Variants in SHISA4 observed in about 807,000 individuals in gnomAD.
SHISA4 encodes shisa family member 4.
SHISA4 carries 16 observed loss-of-function variants against 24.2 expected under a neutral mutation model. The observed-to-expected ratio is 0.66, with a 90% CI of 0.45 to 1.00. The LOEUF (loss-of-function observed/expected upper bound fraction) is 1.00. SHISA4 is among the 50% of genes least tolerant of loss of function. The pLI, the probability that SHISA4 is intolerant of heterozygous loss-of-function variation, is 0.00. For missense variants in SHISA4, 238 were observed against 258.9 expected (o/e 0.92, Z 0.55); for synonymous variants, 106 against 105.4 (o/e 1.01, Z -0.04).
At chr1:201,890,427 G>A in intron 2 of SHISA4, 27 bp from the exon 3 acceptor site, 2 of 1,612,968 alleles carry the variant, frequency 1.2e-6, no homozygotes, top group East Asian at 2.2e-5. Flanking sequence ...GTGTTGGAAG[G>A]TGAGAGGACC....
intron 2 of SHISA4, among the ~76,000 whole-genome samples, chr1:201,889,838 G>A (rs1187562439): frequency 6.6e-6 from 1 of 152,164 alleles, no homozygotes; most frequent in Non-Finnish European, 1.5e-5. Context: ...GCTTTGACTG[G>A]GCCCGGGGTT....
At chr1:201,891,283 C>T in intron 3 of SHISA4, 118 bp from the exon 4 acceptor site, 2 of 1,263,660 alleles carry the variant, frequency 1.6e-6, no homozygotes, top group African/African-American at 1.5e-5. Context: ...GCAAAGATGG[C>T]CAGCCTGGAG....
At chr1:201,890,678 G>A (rs1558231335) in intron 3 of SHISA4, 91 bp downstream of exon 3, 4 of 1,516,456 alleles carry the variant, frequency 2.6e-6, no homozygotes, top group African/African-American at 2.8e-5. Context: ...GGTAAATTCT[G>A]TAGTAGTATG....
chr1:201,889,195 C>G (rs1220895260), intron 1 of SHISA4, 128 bp downstream of exon 1: 1 of 1,016,310 alleles, frequency 9.8e-7, no homozygotes, highest in Non-Finnish European at 1.4e-6. Flanking sequence ...TTGGGTGTTG[C>G]TGGGTCCTCA....
chr1:201,891,871 C>T lies in SHISA4; in HGVS notation c.*25C>T. On this transcript the variant is annotated 3_prime_UTR_variant, in exon 5 of 5. Coordinates refer to ENST00000362011, the MANE Select transcript of SHISA4 (RefSeq NM_198149.3). ...AGGAACCAGCCATGTCTCTGCTGCCCCTTCAGTGATGCCAACCTTGGGAGA... is the reference window on the plus strand; with the variant it reads ...AGGAACCAGCCATGTCTCTGCTGCCTCTTCAGTGATGCCAACCTTGGGAGA... 6.2e-7 allele frequency: 1 copy of T among 1,613,564 alleles called. No homozygotes were observed. Among genetic ancestry groups the T allele is most frequent in the Non-Finnish European group, 8.5e-7 (1 of 1,179,550 alleles).
At chr1:201,890,806 A>G (rs967168228) in intron 3 of SHISA4, among the ~76,000 whole-genome samples, 2 of 152,232 alleles carry the variant, frequency 1.3e-5, no homozygotes, top group Non-Finnish European at 2.9e-5. Context: ...ATTTCTGTGC[A>G]TACACATGAA....
At position 201,890,484 on chromosome 1, in the gene SHISA4, T is replaced by C. The variant is rs751224837; in HGVS notation, c.276T>C (p.Ala92=). ...SPKTIAGIAS[A]VILFVAVVAT... is the part of the protein sequence containing the mutation. ...AGACCATAGCAGGCATCGCCTCAGCTGTGATCCTCTTTGTTGCTGTGGTTG... is the reference window on the plus strand; with the variant it reads ...AGACCATAGCAGGCATCGCCTCAGCCGTGATCCTCTTTGTTGCTGTGGTTG... The change falls in exon 3 of 5, where the codon GCT becomes GCC. Residue 92 remains alanine, a synonymous_variant. Transcript: ENST00000362011. The C allele has an allele frequency of 3.7e-6, 6 of 1,614,250 alleles. No individual in the cohort carries two copies. Among genetic ancestry groups the C allele is most frequent in the Admixed American group, 1.7e-5 (1 of 60,026 alleles).
In SHISA4 at chr1:201,891,927, G is replaced by A. The variant is rs1192450819; in HGVS notation, c.*81G>A. 1.3e-6 allele frequency: 2 copies of A among 1,553,196 alleles called. No individual in the cohort carries two copies. The highest frequency in any genetic ancestry group is 8.9e-7 in the Non-Finnish European group (1 of 1,125,898). ...TCATCCTGTACCTGCATCTGGTCCT[G>A]GGGGTGGCAGGAGTCCTCCAGCCAC... On this transcript the variant is annotated 3_prime_UTR_variant, in exon 5 of 5. Coordinates refer to ENST00000362011, the MANE Select transcript of SHISA4 (RefSeq NM_198149.3).
intron 2 of SHISA4, 75 bp downstream of exon 2, chr1:201,889,691 A>C (rs904763530): frequency 2.0e-6 from 3 of 1,535,490 alleles, no homozygotes; most frequent in African/African-American, 2.7e-5. Flanking sequence ...TCCCTCCCGG[A>C]CTCCTGCCTC....
rs1055074376 is a variant in SHISA4, at chr1:201,892,314, C to T, written c.*468C>T. 4.4e-5 allele frequency: 8 copies of T among 183,784 alleles called. No individual in the cohort carries two copies. The highest frequency in any genetic ancestry group is 3.3e-4 in the East Asian group (2 of 6,146). The allele number at this position is 183,784 out of a possible 1,614,324, so 11.4% of individuals were successfully genotyped here. A position where few individuals can be genotyped will look rare whatever the true frequency, so the allele number is the denominator to read the frequency against. On this transcript the variant is annotated 3_prime_UTR_variant, in exon 5 of 5. Transcript: ENST00000362011. ...CTGTAAAGACATAACTCATATCAGT[C>T]GCATCATTGGACCCATCCACACCTT...
rs995839490 is a variant in SHISA4 at position 201,892,027 on chromosome 1, A to C, written c.*181A>C. ...AGGGAAGTGGAACAGGAGCTGAACT[A>C]GAACTATGAGGGGTTGGGGGGAGGG... is the stretch of plus-strand genomic sequence containing the variant. On this transcript the variant is annotated 3_prime_UTR_variant, in exon 5 of 5. Coordinates refer to ENST00000362011, the MANE Select transcript of SHISA4 (RefSeq NM_198149.3). The C allele has an allele frequency of 6.0e-6, 4 of 671,142 alleles. No individual in the cohort carries two copies. Among genetic ancestry groups the C allele is most frequent in the Non-Finnish European group, 7.7e-6 (3 of 387,718 alleles). The allele number at this position is 671,142 out of a possible 1,614,324, so 41.6% of individuals were successfully genotyped here. A position where few individuals can be genotyped will look rare whatever the true frequency, so the allele number is the denominator to read the frequency against.
chr1:201,891,715 G>T, intron 4 of SHISA4, 85 bp from the exon 5 acceptor site: 1 of 1,566,340 alleles, frequency 6.4e-7, no homozygotes, highest in Non-Finnish European at 8.8e-7. Context: ...CTTCCCTATG[G>T]GTCCTGTCTG....
Position 201,891,935 on chromosome 1 carries a change from C to G in SHISA4, c.*89C>G. 1 of 1,515,350 alleles carries G rather than the reference C, an allele frequency of 6.6e-7. No individual in the cohort carries two copies. The highest frequency in any genetic ancestry group is 9.2e-7 in the Non-Finnish European group (1 of 1,092,444). The allele number at this position is 1,515,350 out of a possible 1,614,324, so 93.9% of individuals were successfully genotyped here. ...TACCTGCATCTGGTCCTGGGGGTGG[C>G]AGGAGTCCTCCAGCCACCAGGCCCC... On this transcript the variant is annotated 3_prime_UTR_variant, in exon 5 of 5. Transcript: ENST00000362011.
rs1411355659 is a variant in SHISA4 at position 201,891,792 on chromosome 1, G to A, written c.548-8G>A. On this transcript the variant is annotated splice_region_variant and splice_polypyrimidine_tract_variant and intron_variant, in intron 4 of 4. Transcript: ENST00000362011. ...CACTCACCCTCATCCTGTCTCTTTG[G>A]CTTTCAGCTCCTCCTCCCTATATGC... 2 of 1,613,872 alleles carry A rather than the reference G, an allele frequency of 1.2e-6. No individual in the cohort carries two copies. Among genetic ancestry groups the A allele is most frequent in the African/African-American group, 2.7e-5 (2 of 74,868 alleles).
intron 1 of SHISA4, 115 bp downstream of exon 1, chr1:201,889,182 G>A: frequency 3.7e-6 from 4 of 1,092,414 alleles, no homozygotes; most frequent in Non-Finnish European, 5.1e-6. Context: ...TGCCACGGGA[G>A]CCTTGGGTGT....
chr1:201,889,622 T>A lies in SHISA4; in HGVS notation c.245+6T>A. ...AAGCACTGCCTGGCCTTCAGGTGGG[T>A]TCCTGCCTCCTCACCCTCACCACCT... On this transcript the variant is annotated splice_donor_region_variant and intron_variant, in intron 2 of 4. Coordinates refer to ENST00000362011, the MANE Select transcript of SHISA4 (RefSeq NM_198149.3). The A allele has an allele frequency of 1.2e-6, 2 of 1,613,062 alleles. No individual in the cohort carries two copies.
At chr1:201,890,296 C>T (rs1681068606) in intron 2 of SHISA4, among the ~76,000 whole-genome samples, 158 bp from the exon 3 acceptor site, 1 of 152,190 alleles carries the variant, frequency 6.6e-6, no homozygotes, top group Non-Finnish European at 1.5e-5. Context: ...AGTGGAGGTC[C>T]TCTAAGATCT....
In SHISA4 at chr1:201,889,310, C is replaced by T; in HGVS notation, c.74-135C>T. 3.1e-6 allele frequency: 4 copies of T among 1,287,740 alleles called. No homozygotes were observed. The East Asian group carries it at 9.8e-5, about 32-fold the overall frequency. The allele number at this position is 1,287,740 out of a possible 1,614,324, so 79.8% of individuals were successfully genotyped here. On this transcript the variant is annotated intron_variant, in intron 1 of 4. Coordinates refer to ENST00000362011, the MANE Select transcript of SHISA4 (RefSeq NM_198149.3). ...CCTCGGGGGCTCTGGGGCTGAGACC[C>T]TCAGGGTGGAGACAAGGGGCAACCC... is the stretch of plus-strand genomic sequence containing the variant.
rs768453117 is a variant in SHISA4, at chr1:201,890,626, T to C, written c.379+39T>C. ...TGGGCAAGAAGGGCCTCAGATGGGC[T>C]GGGCTAAGTCCAATAATGGGCAGCA... On this transcript the variant is annotated intron_variant, in intron 3 of 4. Coordinates refer to ENST00000362011, the MANE Select transcript of SHISA4 (RefSeq NM_198149.3). 17 of 1,610,536 alleles carry C rather than the reference T, an allele frequency of 1.1e-5. No homozygotes were observed. In the South Asian group the frequency reaches 1.8e-4, roughly 17 times the overall value.
Sources: allele counts gnomAD v4.1 joint callset (sites outside exome capture counted in the v4.1 genomes callset), GRCh38; gene constraint gnomAD v4.1.1; transcripts MANE v1.5; gene names NCBI Gene and HGNC (gene_info 2026-07-23, HGNC 2026-07-21).